Variants in PHTF2 observed in about 807,000 individuals in gnomAD.
The protein encoded by PHTF2 is protein PHTF2.
In PHTF2, 60 loss-of-function variants were observed where a neutral mutation model predicts 101.2. The observed-to-expected ratio is 0.59, with a 90% CI of 0.48 to 0.73. The LOEUF is 0.73. PHTF2 is among the 30% of genes least tolerant of loss of function. The probability of loss-of-function intolerance (pLI) is 0.00; values close to 1 mark genes in which losing one functional copy is unlikely to be tolerated. For missense variants in PHTF2, 747 were observed against 908.7 expected (o/e 0.82, Z 2.29); for synonymous variants, 311 against 307.3 (o/e 1.01, Z -0.13).
chr7:77,854,757 G>A (rs367760259), exon 3 of PHTF2: 162 of 730,294 alleles, frequency 2.2e-4, no homozygotes, highest in Non-Finnish European at 3.2e-4. Context: ...GGCCACCACC[G>A]CCCCAGGCCC....
intron 16 of PHTF2, among the ~76,000 whole-genome samples, chr7:77,942,997 C>A (rs894459766): frequency 1.3e-5 from 2 of 152,178 alleles, no homozygotes; most frequent in Admixed American, 6.5e-5. Flanking sequence ...GTTGAATGAA[C>A]ACAGATTAAT....
intron 11 of PHTF2, chr7:77,924,163 A>G: frequency 6.3e-6 from 6 of 945,048 alleles, no homozygotes; most frequent in Non-Finnish European, 7.6e-6. Context: ...CCTCCTTTGA[A>G]TAAATAAAAT....
intron 1 of PHTF2, among the ~76,000 whole-genome samples, chr7:77,813,704 AG>A (rs1793623924): frequency 6.6e-6 from 1 of 152,222 alleles, no homozygotes; most frequent in South Asian, 2.1e-4. Flanking sequence ...CTTAAATAGT[AG>A]TTGCAGTATG....
chr7:77,810,536 C>T (rs117460325), intron 1 of PHTF2, among the ~76,000 whole-genome samples: 1,989 of 152,166 alleles, frequency 0.013, 28 homozygotes, highest in Non-Finnish European at 0.02. Flanking sequence ...AGAGTGACCT[C>T]CCATTTTTTT....
At chr7:77,811,332 A>G (rs1793425106) in intron 1 of PHTF2, among the ~76,000 whole-genome samples, 1 of 152,208 alleles carries the variant, frequency 6.6e-6, no homozygotes, top group Non-Finnish European at 1.5e-5. Context: ...TTAGTTAAGG[A>G]GGTATCTGCC....
At chr7:77,939,983 G>T (rs775587959) in intron 13 of PHTF2, 47 bp from the exon 13 acceptor site, 4 of 1,370,862 alleles carry the variant, frequency 2.9e-6, no homozygotes, top group African/African-American at 1.5e-5. Flanking sequence ...AAAATTTATG[G>T]TATAATTTTA....
At chr7:77,885,920 A>G (rs1302720043) in intron 3 of PHTF2, among the ~76,000 whole-genome samples, 1 of 152,218 alleles carries the variant, frequency 6.6e-6, no homozygotes, top group African/African-American at 2.4e-5. Context: ...CTTGCTTTTC[A>G]GAGTTTCTTA....
chr7:77,849,304 ATATT>A (rs931211250), intron 2 of PHTF2, among the ~76,000 whole-genome samples: 1 of 150,552 alleles, frequency 6.6e-6, no homozygotes, highest in Admixed American at 6.6e-5. Context: ...ATATATATAT[ATATT>A]TATTTATTTA....
intron 6 of PHTF2, among the ~76,000 whole-genome samples, chr7:77,901,169 A>C (rs1331659005): frequency 6.6e-6 from 1 of 152,110 alleles, no homozygotes; most frequent in African/African-American, 2.4e-5. Context: ...TGGCCCGTAT[A>C]CCTCCCATGA....
At chr7:77,929,044 T>C (rs1463462364) in intron 11 of PHTF2, 65 bp from the exon 11 acceptor site, 6 of 1,188,116 alleles carry the variant, frequency 5.1e-6, no homozygotes, top group South Asian at 2.7e-5. Flanking sequence ...TGGGTTCTGA[T>C]AGTATCCTTT....
At chr7:77,854,934 C>G (rs1797056996) in intron 3 of PHTF2, 2 of 629,752 alleles carry the variant, frequency 3.2e-6, no homozygotes, top group Admixed American at 2.4e-5. Context: ...GGCCTGGAAT[C>G]AAGGAACCCA....
chr7:77,930,478 C>CG (rs370451596), intron 12 of PHTF2, among the ~76,000 whole-genome samples: 1 of 151,648 alleles, frequency 6.6e-6, no homozygotes, highest in Non-Finnish European at 1.5e-5. Context: ...TTAAAATTCC[C>CG]CTCTTCTTCA....
chr7:77,854,804 C>T (rs376520158), exon 3 of PHTF2: 1 of 757,178 alleles, frequency 1.3e-6, no homozygotes, highest in African/African-American at 1.7e-5. Flanking sequence ...AGTGTTCACT[C>T]AAGGACCAAG....
rs568780606 is a variant in PHTF2, at chr7:77,937,323, A to T, written c.1339-387A>T. On this transcript the variant is annotated intron_variant, in intron 12 of 19. Coordinates refer to ENST00000416283, the Ensembl canonical transcript of PHTF2. ...TCCATTTGTCTTTTAGCATTAGTAT[A>T]TTGCAGCTGTGTAGACTGACAACTA... Among the ~76,000 whole-genome samples, 135 of 152,250 alleles carry T rather than the reference A, an allele frequency of 8.9e-4. 1 individual carries two copies. The highest frequency in any genetic ancestry group is 9.6e-4 in the East Asian group (5 of 5,186).
rs1413838263 is a variant in PHTF2 at position 77,920,160 on chromosome 7, G to T, written c.777-119G>T. On this transcript the variant is annotated intron_variant, in intron 9 of 19. Transcript: ENST00000416283. The stretch of plus-strand genomic sequence containing the variant: ...TCTAAATTATTATACAAATAGGGTG[G>T]TCATTAAAATTTAGAGAAATAGCTA... The T allele has an allele frequency of 8.5e-6, 5 of 588,526 alleles. No individual in the cohort carries two copies. In the Admixed American group the frequency reaches 1.4e-4, roughly 16 times the overall value. 36.5% of individuals were successfully genotyped at this position (588,526 alleles called of 1,614,324 possible). A position where few individuals can be genotyped will look rare whatever the true frequency, so the allele number is the denominator to read the frequency against.
At chr7:77,849,729 G>A (rs560740313) in intron 2 of PHTF2, among the ~76,000 whole-genome samples, 1 of 152,288 alleles carries the variant, frequency 6.6e-6, no homozygotes, top group East Asian at 1.9e-4. Flanking sequence ...TCATTTGCAT[G>A]ATTAAGTTTA....
At position 77,898,134 on chromosome 7, in the gene PHTF2, C is replaced by A. The variant is rs955844463; in HGVS notation, c.217-2577C>A. On this transcript the variant is annotated intron_variant, in intron 5 of 19. Coordinates refer to ENST00000416283, the Ensembl canonical transcript of PHTF2. ...AATAGAATATAAAATTGGAAATGAA[C>A]CCCAAATAAACAAGGTCGATTAGAA... 2.6e-5 allele frequency among the ~76,000 whole-genome samples: 4 copies of A among 151,734 alleles called. No individual in the cohort carries two copies. In the South Asian group the frequency reaches 8.3e-4, roughly 32 times the overall value.
chr7:77,800,000 C>T (rs1442298446), intron 1 of PHTF2, among the ~76,000 whole-genome samples: 10 of 151,816 alleles, frequency 6.6e-5, no homozygotes, highest in Non-Finnish European at 1.3e-4. Context: ...ACGTTTCTTT[C>T]ATTTTTTTTT....
intron 1 of PHTF2, among the ~76,000 whole-genome samples, chr7:77,804,965 A>C (rs1396663679): frequency 1.3e-5 from 2 of 152,210 alleles, no homozygotes; most frequent in Non-Finnish European, 2.9e-5. Context: ...TCTGCACATG[A>C]TAATTAATAA....
Sources: allele counts gnomAD v4.1 joint callset (sites outside exome capture counted in the v4.1 genomes callset), GRCh38; gene constraint gnomAD v4.1.1; transcripts MANE v1.5; gene names NCBI Gene and HGNC (gene_info 2026-07-23, HGNC 2026-07-21).